The following SLC34A2 variants were observed in gnomAD, a reference collection of about 807,000 sequenced individuals.
SLC34A2 encodes sodium-dependent phosphate transport protein 2B.
A neutral mutation model predicts 50.8 loss-of-function variants in SLC34A2; 41 were observed. The ratio of observed to expected loss-of-function variants is 0.81; its 90% CI spans 0.63 to 1.05. The LOEUF is 1.05. Ranked by LOEUF, SLC34A2 falls within the 50% of genes least tolerant of loss-of-function variation. The pLI, the probability that SLC34A2 is intolerant of heterozygous loss-of-function variation, is 0.00. For synonymous variants in SLC34A2, 401 were observed against 364.2 expected, an observed-to-expected ratio of 1.10 and a Z score of -1.15; for missense variants, 879 against 876.7, an observed-to-expected ratio of 1.00 and a Z score of -0.03.
intron 1 of SLC34A2, among the ~76,000 whole-genome samples, chr4:25,658,484 A>T (rs1228490478): frequency 6.6e-6 from 1 of 152,208 alleles, no homozygotes; most frequent in Non-Finnish European, 1.5e-5. Context: ...AACAATGCGA[A>T]TGTAGGGGTT....
chr4:25,674,346 G>A lies in SLC34A2; in HGVS notation c.1267G>A (p.Gly423Arg), dbSNP rs769110830. ...GACTGGCTACCTGGCCATCCTCGTC[G>A]GGGCAGGCATGACCTTCATCGTACA... ...WLTGYLAILV[G>R]AGMTFIVQSS... The change falls in exon 11 of 13, where the codon GGG (glycine) becomes AGG (arginine). Residue 423 changes from glycine to arginine, a missense_variant. Physicochemically the swap from Gly to Arg is moderately radical, Grantham distance 125 (BLOSUM62 -2). Coordinates refer to ENST00000382051, the MANE Select transcript of SLC34A2 (RefSeq NM_006424.3). 76 of 1,613,908 alleles carry A rather than the reference G, an allele frequency of 4.7e-5. No homozygotes were observed. Among genetic ancestry groups the A allele is most frequent in the Non-Finnish European group, 5.6e-5 (66 of 1,180,016 alleles).
chr4:25,674,861 A>C (rs886837123), intron 12 of SLC34A2, among the ~76,000 whole-genome samples: 2 of 152,174 alleles, frequency 1.3e-5, no homozygotes, highest in African/African-American at 4.8e-5. Flanking sequence ...TTTCAGCAAA[A>C]GTGGGGTGGC....
In SLC34A2 at chr4:25,677,002, A is replaced by C; in HGVS notation, c.*253A>C. The C allele has an allele frequency of 1.8e-6, 1 of 544,200 alleles. No individual in the cohort carries two copies. Among genetic ancestry groups the C allele is most frequent in the South Asian group, 2.3e-5 (1 of 43,788 alleles). 33.7% of individuals were successfully genotyped at this position (544,200 alleles called of 1,614,324 possible). Reference sequence around the variant, plus strand: ...CAGGATGGTACCTAAAGAGAATTAGAGAATGAACCTGGCGGGACGGATGTC... The same window carrying C: ...CAGGATGGTACCTAAAGAGAATTAGCGAATGAACCTGGCGGGACGGATGTC... On this transcript the variant is annotated 3_prime_UTR_variant, in exon 13 of 13. Coordinates refer to ENST00000382051, the MANE Select transcript of SLC34A2 (RefSeq NM_006424.3).
At chr4:25,658,913 C>G (rs964559247) in intron 1 of SLC34A2, among the ~76,000 whole-genome samples, 1 of 140,298 alleles carries the variant, frequency 7.1e-6, no homozygotes, top group African/African-American at 2.7e-5. Context: ...CCCCACCCAC[C>G]CACCCCACCC....
chr4:25,666,084 G>A lies in SLC34A2; in HGVS notation c.380-44G>A, dbSNP rs181603361. 78 of 1,607,276 alleles carry A rather than the reference G, an allele frequency of 4.9e-5. No homozygotes were observed. The African/African-American group carries it at 6.4e-4, about 13-fold the overall frequency. ...ACTCAGTGCCCACCTAATCCCCCTC[G>A]ATCACGTTGTGATTGTTTTTGTTTG... On this transcript the variant is annotated intron_variant, in intron 4 of 12. Transcript: ENST00000382051.
At chr4:25,659,444 C>T (rs970598971) in intron 1 of SLC34A2, among the ~76,000 whole-genome samples, 1 of 152,096 alleles carries the variant, frequency 6.6e-6, no homozygotes, top group Non-Finnish European at 1.5e-5. Flanking sequence ...CTAGGGTACA[C>T]ACAGTGGAAA....
At position 25,676,927 on chromosome 4, in the gene SLC34A2, C is replaced by A. The variant is rs1715168612; in HGVS notation, c.*178C>A. The A allele has an allele frequency of 1.3e-6, 1 of 753,952 alleles. No homozygotes were observed. The highest frequency in any genetic ancestry group is 2.7e-5 in the East Asian group (1 of 36,616). 46.7% of individuals were successfully genotyped at this position (753,952 alleles called of 1,614,324 possible). Reference sequence around the variant, plus strand: ...GGCTTGGTGGTAGGCCTGCAGGGCACTTTTATTCCAACCCCTGGTCACTCA... The same window carrying A: ...GGCTTGGTGGTAGGCCTGCAGGGCAATTTTATTCCAACCCCTGGTCACTCA... On this transcript the variant is annotated 3_prime_UTR_variant, in exon 13 of 13. Coordinates refer to ENST00000382051, the MANE Select transcript of SLC34A2 (RefSeq NM_006424.3).
rs527485761 is a variant in SLC34A2 at position 25,657,565 on chromosome 4, T to C, written c.-4+1675T>C. The stretch of plus-strand genomic sequence containing the variant: ...ATATAGTTACAAGTTATTTACAGGA[T>C]TTATTTTAAGATATCATAAATACAA... On this transcript the variant is annotated intron_variant, in intron 1 of 12. Coordinates refer to ENST00000382051, the MANE Select transcript of SLC34A2 (RefSeq NM_006424.3). Among the ~76,000 whole-genome samples the C allele has an allele frequency of 2.1e-3, 324 of 152,330 alleles. 2 individuals carry two copies. The highest frequency in any genetic ancestry group is 2.6e-3 in the Non-Finnish European group (178 of 68,030).
At position 25,676,887 on chromosome 4, in the gene SLC34A2, A is replaced by T; in HGVS notation, c.*138A>T. 1 of 1,208,522 alleles carries T rather than the reference A, an allele frequency of 8.3e-7. No homozygotes were observed. The highest frequency in any genetic ancestry group is 2.3e-5 in the Admixed American group (1 of 43,866). The allele number at this position is 1,208,522 out of a possible 1,614,324, so 74.9% of individuals were successfully genotyped here. ...GAATGAAATTGATGCAGTCCTACCT[A>T]ACTCGATTCCCTTTGGCTTGGTGGT... On this transcript the variant is annotated 3_prime_UTR_variant, in exon 13 of 13. Transcript: ENST00000382051.
In SLC34A2 at chr4:25,674,185, A is replaced by G. The variant is rs148752483; in HGVS notation, c.1217-111A>G. On this transcript the variant is annotated intron_variant, in intron 10 of 12. Transcript: ENST00000382051. ...CTAAAACTCTACTCTGTAATCTGAGACCATATATGGGATGATGTACAACCT... is the reference window on the plus strand; with the variant it reads ...CTAAAACTCTACTCTGTAATCTGAGGCCATATATGGGATGATGTACAACCT... 12 of 759,286 alleles carry G rather than the reference A, an allele frequency of 1.6e-5. No individual in the cohort carries two copies. In the African/African-American group the frequency reaches 1.7e-4, roughly 11 times the overall value. 47.0% of individuals were successfully genotyped at this position (759,286 alleles called of 1,614,324 possible).
At position 25,674,522 on chromosome 4, in the gene SLC34A2, A is replaced by T. The variant is rs1270314548; in HGVS notation, c.1351A>T (p.Ile451Phe). Residue 451 changes from isoleucine to phenylalanine, a missense_variant, in exon 12 of 13, where the codon ATT becomes TTT. By Grantham distance (21) the Ile-to-Phe change is conservative. Coordinates refer to ENST00000382051, the MANE Select transcript of SLC34A2 (RefSeq NM_006424.3). The part of the protein sequence containing the change: ...TPLIGIGVIT[I>F]ERAYPLTLGS... ...TCCCCCAGGAATCGGCGTGATAACC[A>T]TTGAGAGGGCTTATCCACTCACGCT... is the stretch of plus-strand genomic sequence containing the variant. 1 of 1,614,152 alleles carries T rather than the reference A, an allele frequency of 6.2e-7. No individual in the cohort carries two copies. The highest frequency in any genetic ancestry group is 8.5e-7 in the Non-Finnish European group (1 of 1,180,034).
Position 25,662,692 on chromosome 4 carries a change from T to C in SLC34A2, c.113-13T>C, listed in dbSNP as rs993286599. On this transcript the variant is annotated splice_polypyrimidine_tract_variant and intron_variant, in intron 2 of 12. Transcript: ENST00000382051. ...CAGGTCTGATTCCTCATTACCCCTT[T>C]TGCTTGTTTCAGCAGATAACACTGA... The C allele has an allele frequency of 3.1e-6, 5 of 1,613,878 alleles. No homozygotes were observed. Among genetic ancestry groups the C allele is most frequent in the Middle Eastern group, 1.6e-4 (1 of 6,084 alleles).
chr4:25,672,831 C>T (rs1448618379), intron 9 of SLC34A2, among the ~76,000 whole-genome samples: 1 of 152,022 alleles, frequency 6.6e-6, no homozygotes, highest in Non-Finnish European at 1.5e-5. Flanking sequence ...GAGTCTACCC[C>T]TGAACAGTTG....
intron 7 of SLC34A2, 144 bp downstream of exon 7, chr4:25,669,986 G>A: frequency 2.5e-6 from 2 of 799,858 alleles, no homozygotes; most frequent in African/African-American, 1.7e-5. Context: ...ACTTTGGGAG[G>A]CCGAGGCAGG....
At chr4:25,660,403 A>G (rs56818736) in intron 1 of SLC34A2, among the ~76,000 whole-genome samples, 1 of 152,366 alleles carries the variant, frequency 6.6e-6, no homozygotes, top group African/African-American at 2.4e-5. Flanking sequence ...TGTGATGAAC[A>G]TAAGGCACTT....
intron 9 of SLC34A2, among the ~76,000 whole-genome samples, chr4:25,671,985 G>T (rs183386266): frequency 2.2e-4 from 33 of 152,278 alleles, no homozygotes; most frequent in Middle Eastern, 3.4e-3. Flanking sequence ...CCTCAGAAAA[G>T]CTCAACAGAT....
Position 25,662,722 on chromosome 4 carries a change from C to A in SLC34A2, c.130C>A (p.Pro44Thr). The change falls in exon 3 of 13, where the codon CCT (proline) becomes ACT (threonine). Residue 44 changes from proline to threonine, a missense_variant. Coordinates refer to ENST00000382051, the MANE Select transcript of SLC34A2 (RefSeq NM_006424.3). ...ETNKTDNTEA[P>T]VTKIELLPSY... ...TGTTTCAGCAGATAACACTGAGGCA[C>A]CTGTAACCAAGATTGAACTTCTGCC... The A allele has an allele frequency of 2.5e-6, 4 of 1,614,116 alleles. No homozygotes were observed. Among genetic ancestry groups the A allele is most frequent in the Non-Finnish European group, 3.4e-6 (4 of 1,180,028 alleles).
In SLC34A2 at chr4:25,678,659, G is replaced by T; in HGVS notation, c.*1910G>T. 2.5e-6 allele frequency: 1 copy of T among 393,134 alleles called. No individual in the cohort carries two copies. Among genetic ancestry groups the T allele is most frequent in the Non-Finnish European group, 4.7e-6 (1 of 213,734 alleles). 24.4% of individuals were successfully genotyped at this position (393,134 alleles called of 1,614,324 possible). A position where few individuals can be genotyped will look rare whatever the true frequency, so the allele number is the denominator to read the frequency against. On this transcript the variant is annotated 3_prime_UTR_variant, in exon 13 of 13. Transcript: ENST00000382051. ...GCCTCCCAAAGTGCTGAGATCACAGGCGTGAGCCACCACCAGGCCTGATTG... is the reference window on the plus strand; with the variant it reads ...GCCTCCCAAAGTGCTGAGATCACAGTCGTGAGCCACCACCAGGCCTGATTG...
Position 25,666,046 on chromosome 4 carries a change from G to A in SLC34A2, c.380-82G>A, listed in dbSNP as rs1560236861. On this transcript the variant is annotated intron_variant, in intron 4 of 12. Transcript: ENST00000382051. The stretch of plus-strand genomic sequence containing the variant: ...ACCCACAGCCAGCTGGCCTTGGATG[G>A]AGACTTCTGTTTACTCAGTGCCCAC... 2.5e-6 allele frequency: 4 copies of A among 1,571,780 alleles called. No homozygotes were observed. In the Admixed American group the frequency reaches 5.0e-5, roughly 20 times the overall value.
Sources: allele counts gnomAD v4.1 joint callset (sites outside exome capture counted in the v4.1 genomes callset), GRCh38; gene constraint gnomAD v4.1.1; transcripts MANE v1.5; gene names NCBI Gene and HGNC (gene_info 2026-07-23, HGNC 2026-07-21).